The following ABTB3 variants were observed in gnomAD, a reference collection of about 807,000 sequenced individuals.
ABTB3 encodes ankyrin repeat- and BTB/POZ domain-containing protein 3.
chr12:107,580,524 C>G, the ABTB3 span: 1 of 173,846 alleles, frequency 5.8e-6, no homozygotes, highest in Non-Finnish European at 1.2e-5. Context: ...GTGGGCGCCA[C>G]TGGGTGGCTG....
the ABTB3 span, among the ~76,000 whole-genome samples, chr12:107,543,688 A>G: frequency 6.6e-6 from 1 of 152,064 alleles, no homozygotes; most frequent in African/African-American, 2.4e-5. Context: ...TGGGTTCCAG[A>G]AGGGCAGGAT....
the ABTB3 span, among the ~76,000 whole-genome samples, chr12:107,472,367 A>G: frequency 6.6e-6 from 1 of 152,198 alleles, no homozygotes; most frequent in Non-Finnish European, 1.5e-5. Flanking sequence ...ACACAGGACC[A>G]AGGCACTCTG....
the ABTB3 span, among the ~76,000 whole-genome samples, chr12:107,432,026 G>T: frequency 6.6e-6 from 1 of 152,214 alleles, no homozygotes; most frequent in Non-Finnish European, 1.5e-5. Context: ...GTTTGCAAGA[G>T]GTTGCAGTTT....
the ABTB3 span, among the ~76,000 whole-genome samples, chr12:107,503,126 C>T: frequency 2.0e-5 from 3 of 152,150 alleles, no homozygotes; most frequent in South Asian, 2.1e-4. Flanking sequence ...CCTTTATTAT[C>T]GTTTCCGAGG....
the ABTB3 span, among the ~76,000 whole-genome samples, chr12:107,586,842 G>A: frequency 6.6e-6 from 1 of 152,224 alleles, no homozygotes; most frequent in African/African-American, 2.4e-5. Flanking sequence ...ACAGAAGAAT[G>A]TGGTGACTGC....
At chr12:107,639,186 C>T in the ABTB3 span, among the ~76,000 whole-genome samples, 4 of 152,192 alleles carry the variant, frequency 2.6e-5, no homozygotes, top group African/African-American at 9.7e-5. Flanking sequence ...GCACGTAGCA[C>T]TCATGGGGAA....
chr12:107,350,771 TGTAA>T, the ABTB3 span, among the ~76,000 whole-genome samples: 2 of 152,202 alleles, frequency 1.3e-5, no homozygotes, highest in East Asian at 3.9e-4. Flanking sequence ...TGTCTTCTCT[TGTAA>T]GTGAGTGGCC....
the ABTB3 span, among the ~76,000 whole-genome samples, chr12:107,558,496 T>C: frequency 6.6e-6 from 1 of 152,206 alleles, no homozygotes; most frequent in Admixed American, 6.5e-5. Flanking sequence ...AAGATTTTTG[T>C]CTGCAGGTGT....
the ABTB3 span, among the ~76,000 whole-genome samples, chr12:107,329,030 G>A: frequency 1.3e-5 from 2 of 152,186 alleles, no homozygotes; most frequent in African/African-American, 4.8e-5. Context: ...CTCAGCTGGA[G>A]GCCCTGGGGA....
chr12:107,637,317 A>T, the ABTB3 span, among the ~76,000 whole-genome samples: 19 of 152,140 alleles, frequency 1.2e-4, no homozygotes, highest in Non-Finnish European at 2.8e-4. Context: ...ACTTGAACCT[A>T]GGAGGTGGAA....
chr12:107,518,354 A>G, the ABTB3 span, among the ~76,000 whole-genome samples: 1 of 152,292 alleles, frequency 6.6e-6, no homozygotes, highest in African/African-American at 2.4e-5. Context: ...AAGACTTGGA[A>G]CCAACCCAAA....
the ABTB3 span, among the ~76,000 whole-genome samples, chr12:107,524,873 G>T: frequency 1.3e-5 from 2 of 152,202 alleles, no homozygotes; most frequent in Admixed American, 1.3e-4. Context: ...CTGAAGATTT[G>T]CAATTTGCTC....
At chr12:107,643,033 A>T in the ABTB3 span, among the ~76,000 whole-genome samples, 2 of 152,284 alleles carry the variant, frequency 1.3e-5, no homozygotes, top group East Asian at 3.9e-4. Context: ...CCCTCCAGGC[A>T]CATGAAGGCT....
At chr12:107,522,607 T>C in the ABTB3 span, among the ~76,000 whole-genome samples, 14,061 of 151,448 alleles carry the variant, frequency 0.093, 755 homozygotes, top group South Asian at 0.15. Context: ...TAGAATATAG[T>C]AGAAACATTT....
the ABTB3 span, among the ~76,000 whole-genome samples, chr12:107,496,973 G>A: frequency 1.3e-5 from 2 of 152,146 alleles, no homozygotes; most frequent in Non-Finnish European, 2.9e-5. Context: ...AGCCCTAGGT[G>A]TGAACTTAAG....
chr12:107,598,013 T>C, the ABTB3 span, among the ~76,000 whole-genome samples: 1 of 152,252 alleles, frequency 6.6e-6, no homozygotes, highest in African/African-American at 2.4e-5. Flanking sequence ...CTATGTTGCC[T>C]TTTAAGGAGT....
the ABTB3 span, among the ~76,000 whole-genome samples, chr12:107,366,833 G>A: frequency 3.3e-5 from 5 of 152,158 alleles, no homozygotes; most frequent in African/African-American, 1.2e-4. Flanking sequence ...ATTCTTTCTG[G>A]AAGGGATCCC....
chr12:107,594,620 TA>T, the ABTB3 span, among the ~76,000 whole-genome samples: 2 of 152,096 alleles, frequency 1.3e-5, no homozygotes, highest in African/African-American at 2.4e-5. Flanking sequence ...ATCTTTTTGC[TA>T]CCCAAAAGAA....
the ABTB3 span, among the ~76,000 whole-genome samples, chr12:107,407,780 T>C: frequency 5.2e-4 from 79 of 152,262 alleles, no homozygotes; most frequent in East Asian, 8.5e-3. Flanking sequence ...CAGAAGATCA[T>C]TGTAAGCAGC....
Sources: allele counts gnomAD v4.1 joint callset (sites outside exome capture counted in the v4.1 genomes callset), GRCh38; gene constraint gnomAD v4.1.1; transcripts MANE v1.5; gene names NCBI Gene and HGNC (gene_info 2026-07-23, HGNC 2026-07-21).